MAGI1: variants seen among roughly 807,000 people sequenced by gnomAD.
MAGI1 encodes membrane-associated guanylate kinase, WW and PDZ domain-containing protein 1.
A neutral mutation model predicts 139.9 loss-of-function variants in MAGI1; 58 were observed. The observed-to-expected ratio is 0.41, with a 90% CI of 0.34 to 0.52. MAGI1 has a LOEUF of 0.52. Ranked by LOEUF, MAGI1 falls within the 20% of genes least tolerant of loss-of-function variation. The pLI is 0.12. For synonymous variants in MAGI1, 812 were observed against 737.9 expected (o/e 1.10, Z -1.63); for missense variants, 1,874 against 1,901.6 (o/e 0.99, Z 0.27).
At chr3:65,634,498 C>A (rs887236095) in intron 1 of MAGI1, among the ~76,000 whole-genome samples, 18 of 152,070 alleles carry the variant, frequency 1.2e-4, no homozygotes, top group African/African-American at 4.3e-4. Context: ...CAGATCGAGG[C>A]CCCAAATTCA....
At chr3:65,878,712 T>C (rs2060214999) in intron 1 of MAGI1, among the ~76,000 whole-genome samples, 1 of 152,180 alleles carries the variant, frequency 6.6e-6, no homozygotes, top group Non-Finnish European at 1.5e-5. Context: ...ATTTCGTTTG[T>C]GGCAGTTTAA....
intron 2 of MAGI1, among the ~76,000 whole-genome samples, chr3:65,567,710 C>T (rs903396668): frequency 6.6e-6 from 1 of 152,082 alleles, no homozygotes; most frequent in Non-Finnish European, 1.5e-5. Context: ...GCAGCACACA[C>T]TTGTAATCCT....
At chr3:65,395,171 G>A (rs1944281130) in intron 13 of MAGI1, among the ~76,000 whole-genome samples, 1 of 152,116 alleles carries the variant, frequency 6.6e-6, no homozygotes. Flanking sequence ...GAAACAACAT[G>A]TAAATAAGGA....
At chr3:65,937,565 T>C (rs1308243775) in intron 1 of MAGI1, among the ~76,000 whole-genome samples, 1 of 152,112 alleles carries the variant, frequency 6.6e-6, no homozygotes, top group Non-Finnish European at 1.5e-5. Context: ...CTCTGCGGTG[T>C]GAAGCCATCA....
chr3:65,369,090 T>C (rs944452605), intron 18 of MAGI1, among the ~76,000 whole-genome samples: 1 of 152,150 alleles, frequency 6.6e-6, no homozygotes, highest in African/African-American at 2.4e-5. Flanking sequence ...TATTCATTCA[T>C]CCCTTGCCCA....
chr3:65,710,529 G>A (rs544287926), intron 1 of MAGI1, among the ~76,000 whole-genome samples: 31 of 151,800 alleles, frequency 2.0e-4, no homozygotes, highest in Non-Finnish European at 3.8e-4. Flanking sequence ...CACCCACCTC[G>A]GCCTCCCAAA....
intron 1 of MAGI1, among the ~76,000 whole-genome samples, chr3:66,027,530 T>G (rs1266530453): frequency 1.3e-5 from 2 of 152,168 alleles, no homozygotes; most frequent in African/African-American, 4.8e-5. Flanking sequence ...CAGATAGATC[T>G]GAGTTTGAAT....
chr3:66,038,458 C>CA lies in MAGI1; in HGVS notation c.-151dup. 1 of 1,098,528 alleles carries CA rather than the reference C, an allele frequency of 9.1e-7. No individual in the cohort carries two copies. The highest frequency in any genetic ancestry group is 1.2e-6 in the Non-Finnish European group (1 of 805,448). The allele number at this position is 1,098,528 out of a possible 1,614,324, so 68.0% of individuals were successfully genotyped here. A position where few individuals can be genotyped will look rare whatever the true frequency, so the allele number is the denominator to read the frequency against. ...GAAACTTGGCAGCCTCGCTCCCCTG[C>CA]ACACGCTCGCGCACTCAAGCCATCA... On this transcript the variant is annotated 5_prime_UTR_variant, in exon 1 of 23. Coordinates refer to ENST00000402939, the MANE Select transcript of MAGI1 (RefSeq NM_001033057.2).
chr3:65,749,792 C>T (rs566491577), intron 1 of MAGI1, among the ~76,000 whole-genome samples: 2 of 150,996 alleles, frequency 1.3e-5, no homozygotes, highest in East Asian at 1.9e-4. Flanking sequence ...AGAAATGATA[C>T]GCTGAATCAA....
chr3:65,652,405 G>A (rs1294444636), intron 1 of MAGI1, among the ~76,000 whole-genome samples: 7 of 152,044 alleles, frequency 4.6e-5, no homozygotes, highest in Non-Finnish European at 5.9e-5. Flanking sequence ...CTTTGTTGTT[G>A]GGAGAAGGGG....
At chr3:65,764,167 G>T (rs2037283587) in intron 1 of MAGI1, among the ~76,000 whole-genome samples, 1 of 150,498 alleles carries the variant, frequency 6.6e-6, no homozygotes, top group Non-Finnish European at 1.5e-5. Context: ...TTCCTTTTAT[G>T]ATCAACATGA....
intron 12 of MAGI1, among the ~76,000 whole-genome samples, chr3:65,426,852 C>T (rs1452980657): frequency 6.6e-6 from 1 of 152,176 alleles, no homozygotes; most frequent in Non-Finnish European, 1.5e-5. Flanking sequence ...TTAAAGACTG[C>T]TGATGTCACA....
At chr3:65,430,638 T>C (rs1251805579) in intron 11 of MAGI1, 61 bp downstream of exon 11, 20 of 1,545,532 alleles carry the variant, frequency 1.3e-5, no homozygotes, top group Non-Finnish European at 1.4e-5. Flanking sequence ...TGATTGCACA[T>C]GTTTATCTCC....
In MAGI1 at chr3:65,980,435, C is replaced by T. The variant is rs566978185; in HGVS notation, c.313+57561G>A. Among the ~76,000 whole-genome samples the T allele has an allele frequency of 1.2e-3, 178 of 151,974 alleles. 5 individuals carry two copies. The highest frequency in any genetic ancestry group is 3.9e-3 in the African/African-American group (160 of 41,472). ...AAAATTAGCCACACATGGTGGTGCA[C>T]GCCTATAATCCCAGCTACTCGAGAG... On this transcript the variant is annotated intron_variant, in intron 1 of 22. Transcript: ENST00000402939.
chr3:65,628,677 T>C (rs2084117157), intron 1 of MAGI1, among the ~76,000 whole-genome samples: 1 of 152,180 alleles, frequency 6.6e-6, no homozygotes, highest in Non-Finnish European at 1.5e-5. Flanking sequence ...AGAAATTCCC[T>C]GAAATGCAAG....
intron 1 of MAGI1, among the ~76,000 whole-genome samples, chr3:65,881,857 T>G (rs560059837): frequency 6.6e-6 from 1 of 151,980 alleles, no homozygotes; most frequent in Non-Finnish European, 1.5e-5. Flanking sequence ...TCTAAGTAGG[T>G]TGTGGTCAAA....
At chr3:66,006,563 T>A (rs1399216384) in intron 1 of MAGI1, among the ~76,000 whole-genome samples, 1 of 152,172 alleles carries the variant, frequency 6.6e-6, no homozygotes, top group Non-Finnish European at 1.5e-5. Flanking sequence ...TCAGCATATG[T>A]CAAACCCTAG....
chr3:65,772,257 T>C (rs1467286788), intron 1 of MAGI1, among the ~76,000 whole-genome samples: 1 of 152,194 alleles, frequency 6.6e-6, no homozygotes, highest in African/African-American at 2.4e-5. Flanking sequence ...CCCTTCCTTG[T>C]AGGGGCCAAT....
chr3:65,397,148 G>A (rs1944456481), intron 13 of MAGI1, among the ~76,000 whole-genome samples: 1 of 152,152 alleles, frequency 6.6e-6, no homozygotes, highest in South Asian at 2.1e-4. Context: ...GCTTTGATGG[G>A]ATCAATCATC....
Sources: gnomAD v4.1 joint callset for allele counts (sites outside exome capture counted in the v4.1 genomes callset) on GRCh38, gnomAD v4.1.1 for gene constraint, MANE v1.5 for transcripts, NCBI Gene and HGNC (gene_info 2026-07-23, HGNC 2026-07-21) for gene names.